CCDC138: variants seen among roughly 807,000 people sequenced by gnomAD.
The protein encoded by CCDC138 is coiled-coil domain-containing protein 138.
CCDC138 carries 66 observed loss-of-function variants against 82.3 expected under a neutral mutation model. The ratio of observed to expected loss-of-function variants is 0.80; its 90% CI spans 0.66 to 0.98. CCDC138 has a LOEUF of 0.98. Among genes scored for constraint, CCDC138 ranks in the 50% least tolerant of loss-of-function variants. The probability of loss-of-function intolerance (pLI) is 0.00; values close to 1 mark genes in which losing one functional copy is unlikely to be tolerated. For missense variants in CCDC138, 816 were observed against 758.9 expected, an observed-to-expected ratio of 1.08 and a Z score of -0.88; for synonymous variants, 297 against 265.4, an observed-to-expected ratio of 1.12 and a Z score of -1.16.
At chr2:108,827,997 G>A (rs1184157302) in intron 10 of CCDC138, among the ~76,000 whole-genome samples, 2 of 151,776 alleles carry the variant, frequency 1.3e-5, no homozygotes, top group East Asian at 1.9e-4. Context: ...GGAACAGAAC[G>A]TGACCACAAA....
At chr2:108,806,469 T>A (rs1296932882) in intron 7 of CCDC138, among the ~76,000 whole-genome samples, 2 of 152,214 alleles carry the variant, frequency 1.3e-5, no homozygotes, top group African/African-American at 2.4e-5. Context: ...TTTGGCAGAA[T>A]GCTTTTTTAT....
intron 10 of CCDC138, among the ~76,000 whole-genome samples, chr2:108,823,366 T>C (rs937972588): frequency 3.3e-5 from 5 of 152,220 alleles, no homozygotes; most frequent in Admixed American, 1.3e-4. Flanking sequence ...TTGATAAATA[T>C]TGATGCAAAA....
At chr2:108,800,888 T>A (rs1681841603) in intron 6 of CCDC138, among the ~76,000 whole-genome samples, 2 of 122,062 alleles carry the variant, frequency 1.6e-5, no homozygotes, top group East Asian at 4.9e-4. Context: ...TTTGGTTTTT[T>A]GTTCTTGCGA....
intron 14 of CCDC138, among the ~76,000 whole-genome samples, chr2:108,874,987 C>T (rs775378909): frequency 1.4e-4 from 21 of 150,616 alleles, no homozygotes; most frequent in Non-Finnish European, 2.7e-4. Context: ...TTTTACTATT[C>T]ATGATGTGTT....
intron 11 of CCDC138, among the ~76,000 whole-genome samples, chr2:108,844,933 A>G (rs1258702396): frequency 6.6e-6 from 1 of 152,000 alleles, no homozygotes; most frequent in African/African-American, 2.4e-5. Flanking sequence ...TTTTTAGTAG[A>G]GACGGGGTTT....
intron 10 of CCDC138, among the ~76,000 whole-genome samples, chr2:108,819,499 G>A (rs1373345136): frequency 6.6e-6 from 1 of 152,024 alleles, no homozygotes; most frequent in African/African-American, 2.4e-5. Flanking sequence ...GCACGTAAGA[G>A]CTGCGGAGAT....
chr2:108,833,532 C>T (rs1688038002), intron 10 of CCDC138, among the ~76,000 whole-genome samples: 1 of 152,140 alleles, frequency 6.6e-6, no homozygotes, highest in Admixed American at 6.5e-5. Context: ...TCTGGTGTTT[C>T]TTAAGCTATG....
rs182358832 is a variant in CCDC138, at chr2:108,796,275, C to G, written c.576+1554C>G. Among the ~76,000 whole-genome samples the G allele has an allele frequency of 4.0e-5, 6 of 151,370 alleles. No individual in the cohort carries two copies. In the East Asian group the frequency reaches 1.2e-3, roughly 30 times the overall value. On this transcript the variant is annotated intron_variant, in intron 5 of 14. Transcript: ENST00000295124. The stretch of plus-strand genomic sequence containing the variant: ...TTCACTGTGTTAGCCAGGATGGTCT[C>G]GATCTCCTGACCTCGTGATCCGCCC...
intron 12 of CCDC138, 62 bp from the exon 13 acceptor site, chr2:108,856,732 C>T: frequency 3.4e-6 from 5 of 1,486,488 alleles, no homozygotes; most frequent in East Asian, 2.3e-5. Context: ...TTTTTACCTT[C>T]TGTTTCTGAT....
At chr2:108,813,248 C>CAAAAAAAAA (rs371435296) in intron 9 of CCDC138, among the ~76,000 whole-genome samples, 16 of 63,544 alleles carry the variant, frequency 2.5e-4, no homozygotes, top group Non-Finnish European at 2.8e-4. Context: ...GACTCCGTCT[C>CAAAAAAAAA]AAAAAAAAAA....
chr2:108,851,271 C>A (rs141836080), intron 12 of CCDC138, among the ~76,000 whole-genome samples: 147 of 152,150 alleles, frequency 9.7e-4, no homozygotes, highest in African/African-American at 3.3e-3. Flanking sequence ...CTCTCTGAAC[C>A]CATTTCTCTG....
downstream of CCDC138, among the ~76,000 whole-genome samples, chr2:108,880,768 G>A (rs187311496): frequency 5.5e-4 from 83 of 152,258 alleles, no homozygotes; most frequent in African/African-American, 1.9e-3. Context: ...AGACTCCTCT[G>A]AAAACATTAC....
chr2:108,873,652 AG>A, intron 14 of CCDC138, 63 bp downstream of exon 14: 1 of 1,174,366 alleles, frequency 8.5e-7, no homozygotes, highest in Non-Finnish European at 1.2e-6. Context: ...CATTTAAACC[AG>A]GGGTTTTAAT....
intron 13 of CCDC138, among the ~76,000 whole-genome samples, chr2:108,871,084 G>C (rs1167591069): frequency 6.6e-6 from 1 of 152,064 alleles, no homozygotes; most frequent in Non-Finnish European, 1.5e-5. Context: ...CATTATTTTA[G>C]ACACGTTCCT....
chr2:108,814,553 A>G (rs1424597799), intron 9 of CCDC138, among the ~76,000 whole-genome samples: 1 of 151,890 alleles, frequency 6.6e-6, no homozygotes, highest in African/African-American at 2.4e-5. Context: ...TTTTGTCTTT[A>G]GTCATTCTGA....
chr2:108,816,421 A>C (rs995547416), intron 10 of CCDC138, among the ~76,000 whole-genome samples: 2 of 152,200 alleles, frequency 1.3e-5, no homozygotes, highest in African/African-American at 4.8e-5. Flanking sequence ...ACTGCACTCC[A>C]GCCTGGGCAA....
rs1340203532 is a variant in CCDC138 at position 108,875,329 on chromosome 2, AAAAAAAAG to A, written c.1833-755_1833-748del. Among the ~76,000 whole-genome samples, 38 of 136,380 alleles carry A rather than the reference AAAAAAAAG, an allele frequency of 2.8e-4. 1 individual carries two copies. In the East Asian group the frequency reaches 0.14, roughly 487 times the overall value. The allele number at this position is 136,380 out of a possible 152,430, so 89.5% of individuals were successfully genotyped here. ...AAACTTAAAGTATAATAAAAAAAAA[AAAAAAAAG>A]AAACAAATTCTTAATGATTGAAATG... is the stretch of plus-strand genomic sequence containing the variant. On this transcript the variant is annotated intron_variant, in intron 14 of 14. Transcript: ENST00000295124.
intron 3 of CCDC138, 135 bp from the exon 4 acceptor site, chr2:108,791,540 G>A: frequency 9.7e-7 from 1 of 1,028,030 alleles, no homozygotes; most frequent in Non-Finnish European, 1.5e-6. Context: ...CTTTTTACAT[G>A]TTTACATTTT....
At chr2:108,863,420 G>A (rs906728314) in intron 13 of CCDC138, among the ~76,000 whole-genome samples, 10 of 152,170 alleles carry the variant, frequency 6.6e-5, no homozygotes, top group Admixed American at 2.0e-4. Flanking sequence ...CTTTAGATGT[G>A]TGGTGTTTTC....
Sources: gnomAD v4.1 joint callset for allele counts (sites outside exome capture counted in the v4.1 genomes callset) on GRCh38, gnomAD v4.1.1 for gene constraint, MANE v1.5 for transcripts, NCBI Gene and HGNC (gene_info 2026-07-23, HGNC 2026-07-21) for gene names.